Variants in EPAS1 observed in about 807,000 individuals in gnomAD.
The protein encoded by EPAS1 is endothelial PAS domain protein 1, also known as endothelial PAS domain-containing protein 1.
EPAS1 carries 23 observed loss-of-function variants against 87.9 expected under a neutral mutation model. The observed-to-expected ratio is 0.26, with a 90% confidence interval of 0.19 to 0.37. The LOEUF (loss-of-function observed/expected upper bound fraction) is 0.37, where lower values mean the gene tolerates loss of function less well. Ranked by LOEUF, EPAS1 falls within the 10% of genes least tolerant of loss-of-function variation. EPAS1 has a pLI of 1.00. For missense variants in EPAS1, 1,138 were observed against 1,120.7 expected (o/e 1.02, Z -0.22); for synonymous variants, 508 against 444.3 (o/e 1.14, Z -1.80).
intron 9 of EPAS1, 60 bp downstream of exon 9, chr2:46,376,813 T>TA: frequency 6.4e-7 from 1 of 1,570,990 alleles, no homozygotes; most frequent in East Asian, 2.2e-5. Context: ...GAAGAGTTCT[T>TA]ACTATAACAG....
intron 1 of EPAS1, among the ~76,000 whole-genome samples, chr2:46,344,844 C>G (rs1683990828): frequency 6.6e-6 from 1 of 152,210 alleles, no homozygotes. Context: ...ACGATTCATC[C>G]TTTAATCCGA....
intron 4 of EPAS1, among the ~76,000 whole-genome samples, chr2:46,359,785 T>C (rs1335585422): frequency 2.6e-5 from 4 of 152,160 alleles, no homozygotes; most frequent in African/African-American, 9.7e-5. Context: ...TCTTTGAAAG[T>C]AGGTACCAGA....
chr2:46,354,182 C>A (rs894766147), intron 2 of EPAS1, among the ~76,000 whole-genome samples: 18 of 152,168 alleles, frequency 1.2e-4, no homozygotes, highest in Admixed American at 9.2e-4. Flanking sequence ...GCAGAAAGGC[C>A]CTTGAACGAC....
intron 8 of EPAS1, 145 bp from the exon 9 acceptor site, chr2:46,376,394 G>A (rs977388478): frequency 7.6e-6 from 6 of 786,288 alleles, no homozygotes; most frequent in African/African-American, 3.4e-5. Flanking sequence ...CACTTCTATT[G>A]TATGGTTCTT....
intron 6 of EPAS1, among the ~76,000 whole-genome samples, chr2:46,362,195 C>T (rs1433460798): frequency 6.6e-6 from 1 of 152,232 alleles, no homozygotes; most frequent in Non-Finnish European, 1.5e-5. Flanking sequence ...AACTCTTTGC[C>T]ACTCTTCTCT....
chr2:46,367,766 C>A (rs929696569), intron 6 of EPAS1, among the ~76,000 whole-genome samples: 1 of 152,222 alleles, frequency 6.6e-6, no homozygotes, highest in Non-Finnish European at 1.5e-5. Context: ...TGTTGAGCTG[C>A]TCCTTGTTTG....
rs1209732746 is a variant in EPAS1 at position 46,375,154 on chromosome 2, C to T, written c.887-536C>T. On this transcript the variant is annotated intron_variant, in intron 7 of 15. Transcript: ENST00000263734. The surrounding 1 kb of genome is among the most constrained non-coding windows in gnomAD (Gnocchi z 4.1). ...TGTTTTAAATGCTTTTATTCATAAG[C>T]AGGGTATTGGTGGTGGGTCTGCTGA... Among the ~76,000 whole-genome samples, 1 of 133,090 alleles carries T rather than the reference C, an allele frequency of 7.5e-6. No individual in the cohort carries two copies. The highest frequency in any genetic ancestry group is 1.6e-5 in the Non-Finnish European group (1 of 61,608). The allele number at this position is 133,090 out of a possible 152,430, so 87.3% of individuals were successfully genotyped here. A position where few individuals can be genotyped will look rare whatever the true frequency, so the allele number is the denominator to read the frequency against.
chr2:46,366,449 T>C (rs931385302), intron 6 of EPAS1, among the ~76,000 whole-genome samples: 4 of 152,212 alleles, frequency 2.6e-5, no homozygotes, highest in African/African-American at 7.2e-5. Context: ...CCTTTAAAGC[T>C]GTATTTTCTA....
chr2:46,340,206 A>G (rs1224839967), intron 1 of EPAS1, among the ~76,000 whole-genome samples: 6 of 152,094 alleles, frequency 3.9e-5, no homozygotes, highest in Non-Finnish European at 7.4e-5. Flanking sequence ...CTTTTCTACA[A>G]GGCTGCCTGG....
chr2:46,321,046 A>G (rs1374786309), intron 1 of EPAS1, among the ~76,000 whole-genome samples: 1 of 152,188 alleles, frequency 6.6e-6, no homozygotes, highest in East Asian at 1.9e-4. Flanking sequence ...TTTATTCCCC[A>G]CATGCTCCAA....
At chr2:46,329,581 T>C (rs910421053) in intron 1 of EPAS1, among the ~76,000 whole-genome samples, 3 of 152,028 alleles carry the variant, frequency 2.0e-5, no homozygotes, top group Non-Finnish European at 2.9e-5. Context: ...CCCAGCACTT[T>C]AGGAGGCCGA....
rs568789154 is a variant in EPAS1 at position 46,343,636 on chromosome 2, T to C, written c.27-3237T>C. Among the ~76,000 whole-genome samples the C allele has an allele frequency of 2.0e-5, 3 of 152,368 alleles. No homozygotes were observed. The South Asian group carries it at 6.2e-4, about 32-fold the overall frequency. On this transcript the variant is annotated intron_variant, in intron 1 of 15. Coordinates refer to ENST00000263734, the MANE Select transcript of EPAS1 (RefSeq NM_001430.5). ...GAAGTGCTTTCTGTAAAGGCATTAT[T>C]ATTTGTCCTTTTAGGTTCAGCTGAA...
intron 1 of EPAS1, among the ~76,000 whole-genome samples, chr2:46,322,487 C>T (rs917775522): frequency 2.0e-5 from 3 of 152,170 alleles, no homozygotes; most frequent in Admixed American, 6.5e-5. Context: ...GATTACTGGA[C>T]CTCATCCCTA....
intron 9 of EPAS1, 39 bp downstream of exon 9, chr2:46,376,792 GT>G: frequency 1.2e-6 from 2 of 1,602,412 alleles, no homozygotes; most frequent in Non-Finnish European, 1.7e-6. Flanking sequence ...CTGGAACCCC[GT>G]TGGGGCTGGG....
intron 2 of EPAS1, among the ~76,000 whole-genome samples, chr2:46,355,275 G>A (rs1296543681): frequency 6.6e-6 from 1 of 152,236 alleles, no homozygotes; most frequent in Non-Finnish European, 1.5e-5. Flanking sequence ...GATGGAAATT[G>A]TTATTCCCAT....
chr2:46,327,998 C>T (rs1364452000), intron 1 of EPAS1, among the ~76,000 whole-genome samples: 2 of 152,192 alleles, frequency 1.3e-5, no homozygotes, highest in African/African-American at 2.4e-5. Flanking sequence ...ACTCCCTCCC[C>T]AGAATTGTCT....
rs1203786634 is a variant in EPAS1 at position 46,382,071 on chromosome 2, A to G, written c.2269A>G (p.Ser757Gly). 2.5e-6 allele frequency: 4 copies of G among 1,614,018 alleles called. No individual in the cohort carries two copies. The highest frequency in any genetic ancestry group is 2.5e-6 in the Non-Finnish European group (3 of 1,180,012). Residue 757 changes from serine (S) to glycine (G), a missense_variant, in exon 14 of 16, where the codon AGC becomes GGC. By Grantham distance (56) the Ser-to-Gly change is moderately conservative (BLOSUM62 0). Transcript: ENST00000263734. ...SCPLMPDKPL[S>G]ANVPNDKFTQ... ...CCCTTTGATGCCGGACAAGCCACTGAGCGCAAATGTACCCAATGGTGAGCA... is the reference window on the plus strand; with the variant it reads ...CCCTTTGATGCCGGACAAGCCACTGGGCGCAAATGTACCCAATGGTGAGCA...
At position 46,380,170 on chromosome 2, in the gene EPAS1, G is replaced by GTGTT; in HGVS notation, c.1555-53_1555-50dup. On this transcript the variant is annotated intron_variant, in intron 11 of 15. Coordinates refer to ENST00000263734, the MANE Select transcript of EPAS1 (RefSeq NM_001430.5). The surrounding 1 kb of genome is among the most constrained non-coding windows in gnomAD (Gnocchi z 4.4). ...GCTCTGCAGGAGCTGAGTTGGAATA[G>GTGTT]TGTTTGTGAGGTCGTACCAACCCCC... 1.9e-6 allele frequency: 3 copies of GTGTT among 1,600,402 alleles called. No homozygotes were observed. In the South Asian group the frequency reaches 3.3e-5, roughly 18 times the overall value.
At chr2:46,348,379 G>T (rs1409720343) in intron 2 of EPAS1, among the ~76,000 whole-genome samples, 5 of 152,176 alleles carry the variant, frequency 3.3e-5, no homozygotes, top group African/African-American at 4.8e-5. Context: ...AAGAAAGGCT[G>T]GGAGACTCCA....
Sources: allele counts gnomAD v4.1 joint callset (sites outside exome capture counted in the v4.1 genomes callset), GRCh38; gene constraint gnomAD v4.1.1; non-coding constraint Gnocchi (gnomAD v3.1); transcripts MANE v1.5; gene names NCBI Gene and HGNC (gene_info 2026-07-23, HGNC 2026-07-21).